The following KRTAP4-7 variants were observed in gnomAD, a reference collection of about 807,000 sequenced individuals.
KRTAP4-7 encodes keratin associated protein 4-7, also known as putative keratin-associated protein 4-X.
KRTAP4-7 carries 1 observed loss-of-function variant against 3.0 expected under a neutral mutation model. The ratio of observed to expected loss-of-function variants is 0.33; its 90% CI spans 0.12 to 1.57. The LOEUF is 1.57. Ranked by LOEUF, KRTAP4-7 falls within the 40% of genes most tolerant of loss-of-function variation. The pLI is 0.37. For missense variants in KRTAP4-7, 199 were observed against 209.1 expected (o/e 0.95, Z 0.30); for synonymous variants, 70 against 74.6 (o/e 0.94, Z 0.32).
chr17:41,084,993 A>G (rs1486951853), exon 1 of KRTAP4-7: 2 of 483,224 alleles, frequency 4.1e-6, no homozygotes, highest in East Asian at 3.8e-5. Flanking sequence ...TCTCCTTCTC[A>G]GTGAGGTAGA....
exon 1 of KRTAP4-7, chr17:41,084,376 C>T: frequency 3.5e-6 from 5 of 1,427,446 alleles, no homozygotes; most frequent in Non-Finnish European, 4.7e-6. Flanking sequence ...TGCTGCCAGT[C>T]TGTGTGCTGC....
chr17:41,084,696 C>T (rs189443395), exon 1 of KRTAP4-7: 1 of 1,565,292 alleles, frequency 6.4e-7, no homozygotes, highest in Non-Finnish European at 8.7e-7. Context: ...TGGCTCACGT[C>T]CCCCTTCACC....
exon 1 of KRTAP4-7, chr17:41,085,083 G>A: frequency 4.1e-6 from 1 of 243,680 alleles, no homozygotes; most frequent in Non-Finnish European, 8.5e-6. Context: ...GTTTCTCCTA[G>A]GGTGAATTTC....
chr17:41,084,794 T>A, exon 1 of KRTAP4-7: 3 of 1,415,922 alleles, frequency 2.1e-6, no homozygotes, highest in Non-Finnish European at 2.8e-6. Context: ...ATGGACCTTA[T>A]GCTTCCAAAG....
At chr17:41,084,585 C>A (rs192165506) in exon 1 of KRTAP4-7, 1 of 1,403,198 alleles carries the variant, frequency 7.1e-7, no homozygotes, top group South Asian at 1.4e-5. Context: ...AGTCTGTGGC[C>A]GAGTCTCCTG....
chr17:41,084,636 T>G (rs1483704789), exon 1 of KRTAP4-7: 1 of 1,600,592 alleles, frequency 6.2e-7, no homozygotes, highest in African/African-American at 1.3e-5. Flanking sequence ...CATCTCCACC[T>G]GTCCCCGCCC....
chr17:41,084,296 T>A lies in KRTAP4-7; in HGVS notation c.90T>A (p.Cys30Ter), dbSNP rs781141473. ...AGACCTGCTGCCGCCCCAGCTGCTGTCAGACCACCTGTTGCAGGACCACCT... is the reference window on the plus strand; with the variant it reads ...AGACCTGCTGCCGCCCCAGCTGCTGACAGACCACCTGTTGCAGGACCACCT... The change falls in exon 1 of 1, where the codon TGT becomes TGA. Residue 30 changes from cysteine (C) to a stop codon, truncating the protein, a stop_gained. Transcript: ENST00000391417. LOFTEE classifies it low-confidence loss of function (END_TRUNC). The A allele has an allele frequency of 3.7e-6, 6 of 1,613,406 alleles. No homozygotes were observed. The Admixed American group carries it at 8.3e-5, about 22-fold the overall frequency.
exon 1 of KRTAP4-7, chr17:41,084,327 C>T (rs1210310178): frequency 8.1e-6 from 13 of 1,613,734 alleles, no homozygotes; most frequent in East Asian, 4.5e-5. Flanking sequence ...CACCTGCTAC[C>T]GCCCCAGCTG....
In KRTAP4-7 at chr17:41,084,635, C is replaced by A. The variant is rs184606435; in HGVS notation, c.429C>A (p.Thr143=). 1,365 of 1,600,644 alleles carry A rather than the reference C, an allele frequency of 8.5e-4. 6 individuals are homozygous for A. In the Middle Eastern group the frequency reaches 0.012, roughly 14 times the overall value. ...ATCGCCCAACCTGTGTCATCTCCAC[C>A]TGTCCCCGCCCCTTGTGCTGTGCCT... Residue 143 remains threonine, a synonymous_variant, in exon 1 of 1, where the codon ACC becomes ACA. Coordinates refer to ENST00000391417, the Ensembl canonical transcript of KRTAP4-7.
chr17:41,084,705 C>G (rs1351387025), exon 1 of KRTAP4-7: 1 of 1,555,600 alleles, frequency 6.4e-7, no homozygotes, highest in Admixed American at 1.9e-5. Flanking sequence ...TCCCCCTTCA[C>G]CACTGGCCCA....
chr17:41,084,888 T>TGGC, exon 1 of KRTAP4-7: 1 of 720,630 alleles, frequency 1.4e-6, no homozygotes, highest in African/African-American at 1.8e-5. Flanking sequence ...CTTCTGGTGG[T>TGGC]GGCACCAAAT....
At chr17:41,084,761 T>A in exon 1 of KRTAP4-7, 1 of 1,478,932 alleles carries the variant, frequency 6.8e-7, no homozygotes, top group South Asian at 1.4e-5. Context: ...ATACATGAAG[T>A]GGGGTTGATG....
At chr17:41,084,808 C>A (rs1418062428) in exon 1 of KRTAP4-7, 12 of 1,336,336 alleles carry the variant, frequency 9.0e-6, no homozygotes, top group Non-Finnish European at 2.0e-6. Flanking sequence ...TCCAAAGAGC[C>A]CACCACCATT....
chr17:41,084,153 C>G lies in KRTAP4-7; in HGVS notation c.-54C>G, dbSNP rs1161027946. On this transcript the variant is annotated 5_prime_UTR_variant, in exon 1 of 1. Transcript: ENST00000391417. ...GCTATGGACCCAGAAGACTTCCAAA[C>G]CCAAGAACTTCACTCTCTTGGAAAC... 4 of 1,550,498 alleles carry G rather than the reference C, an allele frequency of 2.6e-6. No homozygotes were observed. In the East Asian group the frequency reaches 6.8e-5, roughly 26 times the overall value.
At chr17:41,084,864 T>A (rs2320192) in exon 1 of KRTAP4-7, 2 of 907,588 alleles carry the variant, frequency 2.2e-6, no homozygotes, top group African/African-American at 1.7e-5. Context: ...AACTCCCTCC[T>A]TTGCTTTCTT....
exon 1 of KRTAP4-7, chr17:41,085,019 C>G (rs1382628727): frequency 2.5e-6 from 1 of 396,966 alleles, no homozygotes; most frequent in Non-Finnish European, 4.6e-6. Context: ...TCTGCAGGAC[C>G]AGTTTTGTCA....
chr17:41,084,394 CCTG>C (rs1337540020), exon 1 of KRTAP4-7: 4 of 1,424,316 alleles, frequency 2.8e-6, no homozygotes, highest in Non-Finnish European at 3.8e-6. Context: ...TGCCAACCCA[CCTG>C]CTGTCGCCCC....
exon 1 of KRTAP4-7, chr17:41,084,301 C>G: frequency 6.2e-7 from 1 of 1,613,990 alleles, no homozygotes; most frequent in Non-Finnish European, 8.5e-7. Context: ...TGCTGTCAGA[C>G]CACCTGTTGC....
chr17:41,084,390 C>T lies in KRTAP4-7; in HGVS notation c.184C>T (p.Pro62Ser), dbSNP rs557371297. 10 of 1,425,656 alleles carry T rather than the reference C, an allele frequency of 7.0e-6. No homozygotes were observed. In the South Asian group the frequency reaches 1.0e-4, roughly 14 times the overall value. The allele number at this position is 1,425,656 out of a possible 1,614,324, so 88.3% of individuals were successfully genotyped here. The stretch of plus-strand genomic sequence containing the variant: ...GTGCTGCCAGTCTGTGTGCTGCCAA[C>T]CCACCTGCTGTCGCCCCACCTGCTG... Residue 62 changes from proline (P) to serine (S), a missense_variant, in exon 1 of 1, where the codon CCC (proline) becomes TCC (serine). Physicochemically the swap from Pro to Ser is moderately conservative, Grantham distance 74. Transcript: ENST00000391417.
Sources: gnomAD v4.1 joint callset for allele counts on GRCh38, gnomAD v4.1.1 for gene constraint, MANE v1.5 for transcripts, NCBI Gene and HGNC (gene_info 2026-07-23, HGNC 2026-07-21) for gene names.